The following RALYL variants were observed in gnomAD, a reference collection of about 807,000 sequenced individuals.
RALYL encodes RNA-binding Raly-like protein.
RALYL carries 29 observed loss-of-function variants against 35.1 expected under a neutral mutation model. The ratio of observed to expected loss-of-function variants is 0.83; its 90% CI spans 0.61 to 1.13. The LOEUF (loss-of-function observed/expected upper bound fraction) is 1.13, where lower values mean the gene tolerates loss of function less well. Among genes scored for constraint, RALYL ranks in the 50% most tolerant of loss-of-function variants. The pLI is 0.00. For synonymous variants in RALYL, 120 were observed against 127.6 expected (o/e 0.94, Z 0.40); for missense variants, 359 against 360.4 (o/e 1.00, Z 0.03).
At chr8:84,368,306 T>C (rs1402798167) in intron 1 of RALYL, among the ~76,000 whole-genome samples, 4 of 152,184 alleles carry the variant, frequency 2.6e-5, no homozygotes, top group Non-Finnish European at 5.9e-5. Flanking sequence ...TTACATATAA[T>C]TTATTTGTAG....
In RALYL at chr8:84,211,776, G is replaced by GA. The variant is rs377336662; in HGVS notation, c.-24+27356dup. Among the ~76,000 whole-genome samples the GA allele has an allele frequency of 6.3e-3, 953 of 152,110 alleles. 2 individuals are homozygous for GA. Among genetic ancestry groups the GA allele is most frequent in the African/African-American group, 0.021 (884 of 41,514 alleles). ...TGTTTGCAGTCAATCAGAACCATGGGAAAACAGATTTAGAATTATAGAAAA... is the reference window on the plus strand; with the variant it reads ...TGTTTGCAGTCAATCAGAACCATGGGAAAAACAGATTTAGAATTATAGAAAA... On this transcript the variant is annotated intron_variant, in intron 1 of 8. Transcript: ENST00000521268.
At chr8:84,741,641 C>T (rs996103960) in intron 2 of RALYL, among the ~76,000 whole-genome samples, 6 of 151,930 alleles carry the variant, frequency 3.9e-5, no homozygotes, top group African/African-American at 7.2e-5. Context: ...TAAAGACCTG[C>T]CACCTCTTAA....
intron 2 of RALYL, among the ~76,000 whole-genome samples, chr8:84,716,112 G>A (rs908332932): frequency 1.3e-5 from 2 of 152,056 alleles, no homozygotes; most frequent in East Asian, 3.9e-4. Flanking sequence ...ACAGCTGAAT[G>A]TATTTCCTTA....
chr8:84,532,732 A>G (rs2059354501), intron 2 of RALYL, among the ~76,000 whole-genome samples: 1 of 152,080 alleles, frequency 6.6e-6, no homozygotes, highest in South Asian at 2.1e-4. Flanking sequence ...TCTTTTATTT[A>G]CTGCATGTTT....
intron 1 of RALYL, among the ~76,000 whole-genome samples, chr8:84,450,522 ATTAGT>A (rs1256733016): frequency 6.6e-6 from 1 of 151,960 alleles, no homozygotes; most frequent in Non-Finnish European, 1.5e-5. Context: ...CTACTAGATA[ATTAGT>A]TTAGTAATTT....
intron 1 of RALYL, among the ~76,000 whole-genome samples, chr8:84,460,944 TGCAGGCATA>T (rs1272363677): frequency 2.0e-5 from 3 of 151,646 alleles, no homozygotes; most frequent in African/African-American, 7.2e-5. Flanking sequence ...ACTGACATAA[TGCAGGCATA>T]GTAAAATGAT....
intron 8 of RALYL, among the ~76,000 whole-genome samples, chr8:84,905,350 C>T (rs1401119661): frequency 1.3e-5 from 2 of 152,252 alleles, no homozygotes; most frequent in East Asian, 3.9e-4. Flanking sequence ...ATTTCCACAT[C>T]TTGGTGATTT....
At chr8:84,273,607 A>T (rs1057428969) in intron 1 of RALYL, among the ~76,000 whole-genome samples, 2 of 152,190 alleles carry the variant, frequency 1.3e-5, no homozygotes, top group African/African-American at 4.8e-5. Flanking sequence ...GGATGCGTAC[A>T]TGTCTGTCTT....
At chr8:84,444,970 C>A (rs528282010) in intron 1 of RALYL, among the ~76,000 whole-genome samples, 12 of 151,900 alleles carry the variant, frequency 7.9e-5, no homozygotes, top group African/African-American at 2.7e-4. Context: ...GAATTAAGTA[C>A]CAGGAAAGGG....
At chr8:84,365,452 A>G (rs1854031649) in intron 1 of RALYL, among the ~76,000 whole-genome samples, 1 of 152,196 alleles carries the variant, frequency 6.6e-6, no homozygotes, top group Admixed American at 6.5e-5. Context: ...ATTGACTACA[A>G]TCTATAAACT....
chr8:84,559,862 A>G (rs2135564556), intron 2 of RALYL, among the ~76,000 whole-genome samples: 1 of 151,966 alleles, frequency 6.6e-6, no homozygotes, highest in African/African-American at 2.4e-5. Flanking sequence ...AACAGGGGGG[A>G]AAGGAGGCTG....
chr8:84,743,504 C>T (rs1325284088), intron 2 of RALYL, among the ~76,000 whole-genome samples: 1 of 151,860 alleles, frequency 6.6e-6, no homozygotes, highest in Non-Finnish European at 1.5e-5. Context: ...AACATATTGG[C>T]CTAAGAAAAG....
intron 2 of RALYL, among the ~76,000 whole-genome samples, chr8:84,632,616 G>C (rs1824167324): frequency 7.4e-6 from 1 of 134,740 alleles, no homozygotes; most frequent in African/African-American, 2.7e-5. Context: ...TGTGTGTGTA[G>C]TTTTCTTTAT....
intron 1 of RALYL, among the ~76,000 whole-genome samples, chr8:84,345,748 C>T (rs1451946829): frequency 6.6e-6 from 1 of 152,068 alleles, no homozygotes; most frequent in Admixed American, 6.6e-5. Context: ...AGAAGTCAGG[C>T]ACTATGCTAG....
At chr8:84,232,190 G>A (rs1387550512) in intron 1 of RALYL, among the ~76,000 whole-genome samples, 1 of 151,868 alleles carries the variant, frequency 6.6e-6, no homozygotes, top group African/African-American at 2.4e-5. Context: ...GAATGTGGGG[G>A]GATTTTCAGT....
intron 1 of RALYL, among the ~76,000 whole-genome samples, chr8:84,282,853 G>C (rs1042464316): frequency 1.3e-5 from 2 of 151,686 alleles, no homozygotes; most frequent in African/African-American, 4.8e-5. Context: ...TTTTGGGCTA[G>C]ACCAAACCAA....
intron 1 of RALYL, among the ~76,000 whole-genome samples, chr8:84,256,563 T>G (rs1462254285): frequency 6.6e-6 from 1 of 152,102 alleles, no homozygotes; most frequent in Admixed American, 6.6e-5. Flanking sequence ...CTTAAAATAG[T>G]AGGCTCTCAT....
At chr8:84,832,540 T>C (rs1260922466) in intron 4 of RALYL, among the ~76,000 whole-genome samples, 2 of 152,184 alleles carry the variant, frequency 1.3e-5, no homozygotes, top group Non-Finnish European at 1.5e-5. Context: ...AATTTTTCTT[T>C]TTTTGACTTC....
At chr8:84,543,906 C>G (rs948931301) in intron 2 of RALYL, among the ~76,000 whole-genome samples, 5 of 152,012 alleles carry the variant, frequency 3.3e-5, no homozygotes, top group Admixed American at 3.3e-4. Flanking sequence ...ACAGTGACAT[C>G]GATCAGCATT....
Sources: allele counts gnomAD v4.1 joint callset (sites outside exome capture counted in the v4.1 genomes callset), GRCh38; gene constraint gnomAD v4.1.1; transcripts MANE v1.5; gene names NCBI Gene and HGNC (gene_info 2026-07-23, HGNC 2026-07-21).